NEGR1: variants seen among roughly 807,000 people sequenced by gnomAD.
The protein encoded by NEGR1 is neuronal growth regulator 1.
Under a neutral mutation model 40.9 loss-of-function variants are expected in NEGR1, and 10 were observed. That is an observed-to-expected ratio of 0.24 (90% CI 0.15 to 0.42). NEGR1 has a LOEUF of 0.42. NEGR1 is among the 10% of genes least tolerant of loss of function. NEGR1 has a pLI of 1.00. For synonymous variants in NEGR1, 185 were observed against 166.8 expected, an observed-to-expected ratio of 1.11 and a Z score of -0.84; for missense variants, 352 against 438.9, an observed-to-expected ratio of 0.80 and a Z score of 1.77.
chr1:72,113,359 AT>A (rs1351545953), intron 1 of NEGR1, among the ~76,000 whole-genome samples: 1 of 151,662 alleles, frequency 6.6e-6, no homozygotes, highest in Non-Finnish European at 1.5e-5. Flanking sequence ...AAGAAAGTGT[AT>A]TTATTGCACA....
At chr1:71,822,125 T>G (rs80313480) in intron 2 of NEGR1, among the ~76,000 whole-genome samples, 5,777 of 151,804 alleles carry the variant, frequency 0.038, 153 homozygotes, top group Non-Finnish European at 0.056. Flanking sequence ...TTTCAGTGAG[T>G]GAGGGCTTTA....
intron 1 of NEGR1, among the ~76,000 whole-genome samples, chr1:72,003,231 G>GGTTA (rs1646573145): frequency 6.6e-6 from 1 of 151,588 alleles, no homozygotes; most frequent in African/African-American, 2.4e-5. Flanking sequence ...TTGGGTCGGA[G>GGTTA]GTTAGGCTTG....
chr1:71,572,233 T>G (rs1293470750), intron 6 of NEGR1, among the ~76,000 whole-genome samples: 1 of 152,158 alleles, frequency 6.6e-6, no homozygotes, highest in African/African-American at 2.4e-5. Flanking sequence ...AAATTACCCA[T>G]TAGTCTTGCA....
At position 71,400,827 on chromosome 1, in the gene NEGR1, G is replaced by A. The variant is rs1646242608; in HGVS notation, c.*6619C>T. On this transcript the variant is annotated 3_prime_UTR_variant, in exon 7 of 7. Transcript: ENST00000357731. ...GGAAGTGGATCACTTGAGGTCAGGA[G>A]TTCTAGACCAGACTGGCCAACATGG... 1 of 152,162 alleles carries A rather than the reference G, an allele frequency of 6.6e-6. No individual in the cohort carries two copies. The highest frequency in any genetic ancestry group is 1.5e-5 in the Non-Finnish European group (1 of 68,050). 9.4% of individuals were successfully genotyped at this position (152,162 alleles called of 1,614,324 possible). A position where few individuals can be genotyped will look rare whatever the true frequency, so the allele number is the denominator to read the frequency against.
At chr1:71,798,502 G>A (rs1006007791) in intron 2 of NEGR1, among the ~76,000 whole-genome samples, 8 of 152,138 alleles carry the variant, frequency 5.3e-5, no homozygotes, top group Non-Finnish European at 1.2e-4. Context: ...TATCTTCACT[G>A]TGCACCAAGA....
At chr1:71,501,375 A>G (rs1359439288) in intron 6 of NEGR1, among the ~76,000 whole-genome samples, 2 of 152,140 alleles carry the variant, frequency 1.3e-5, no homozygotes, top group African/African-American at 2.4e-5. Flanking sequence ...TTTTTAAGAT[A>G]ATTTCTAAAT....
rs1646260438 is a variant in NEGR1, at chr1:71,403,874, A to T, written c.*3572T>A. ...TTTAAAGTAAATACATATTCAAAGAATCTTAAGGCATACCATTTATTCATA... is the reference window on the plus strand; with the variant it reads ...TTTAAAGTAAATACATATTCAAAGATTCTTAAGGCATACCATTTATTCATA... On this transcript the variant is annotated 3_prime_UTR_variant, in exon 7 of 7. Coordinates refer to ENST00000357731, the MANE Select transcript of NEGR1 (RefSeq NM_173808.3). The T allele has an allele frequency of 2.6e-6, 1 of 383,020 alleles. No homozygotes were observed. Among genetic ancestry groups the T allele is most frequent in the African/African-American group, 2.1e-5 (1 of 48,246 alleles). 23.7% of individuals were successfully genotyped at this position (383,020 alleles called of 1,614,324 possible). A position where few individuals can be genotyped will look rare whatever the true frequency, so the allele number is the denominator to read the frequency against.
intron 1 of NEGR1, among the ~76,000 whole-genome samples, chr1:72,257,590 A>G (rs977264880): frequency 2.0e-5 from 3 of 152,162 alleles, no homozygotes; most frequent in African/African-American, 7.2e-5. Context: ...TTTTATAATT[A>G]GTAATTTTCT....
intron 2 of NEGR1, among the ~76,000 whole-genome samples, chr1:71,846,323 T>C (rs1236811969): frequency 6.6e-6 from 1 of 151,922 alleles, no homozygotes; most frequent in Non-Finnish European, 1.5e-5. Flanking sequence ...CAAGAGGTCT[T>C]AACTACTTGT....
At chr1:72,048,457 T>C (rs1647023483) in intron 1 of NEGR1, among the ~76,000 whole-genome samples, 1 of 151,494 alleles carries the variant, frequency 6.6e-6, no homozygotes, top group African/African-American at 2.4e-5. Flanking sequence ...TTGCAAGTGG[T>C]TTATAACCCC....
chr1:71,673,593 A>C (rs543303528), intron 4 of NEGR1, among the ~76,000 whole-genome samples: 1 of 152,232 alleles, frequency 6.6e-6, no homozygotes, highest in South Asian at 2.1e-4. Context: ...ATTTCTCTTA[A>C]GGGAGAATAT....
At chr1:71,483,319 G>T (rs550228709) in intron 6 of NEGR1, among the ~76,000 whole-genome samples, 2 of 151,842 alleles carry the variant, frequency 1.3e-5, no homozygotes, top group East Asian at 3.9e-4. Flanking sequence ...AGTGAAAGGG[G>T]GAACATCTGG....
intron 6 of NEGR1, among the ~76,000 whole-genome samples, chr1:71,415,716 ATTT>A (rs1021892969): frequency 6.6e-6 from 1 of 152,052 alleles, no homozygotes; most frequent in African/African-American, 2.4e-5. Context: ...AATGTTTTGG[ATTT>A]TTTTGTTTAC....
intron 1 of NEGR1, among the ~76,000 whole-genome samples, chr1:72,232,774 T>C (rs1654413329): frequency 6.6e-6 from 1 of 152,110 alleles, no homozygotes; most frequent in Non-Finnish European, 1.5e-5. Context: ...ACAATATAGG[T>C]CATTAGCCAT....
intron 1 of NEGR1, among the ~76,000 whole-genome samples, chr1:72,066,619 G>A (rs1453292841): frequency 1.3e-5 from 2 of 152,082 alleles, no homozygotes; most frequent in South Asian, 2.1e-4. Flanking sequence ...CTTACACGAA[G>A]ACAGAGAAAC....
intron 6 of NEGR1, among the ~76,000 whole-genome samples, chr1:71,479,234 A>G (rs1056791893): frequency 6.6e-6 from 1 of 151,998 alleles, no homozygotes; most frequent in Non-Finnish European, 1.5e-5. Context: ...CAGTCGACGC[A>G]GCACTAATGT....
At chr1:71,944,188 C>G (rs1645997236) in intron 1 of NEGR1, among the ~76,000 whole-genome samples, 1 of 152,174 alleles carries the variant, frequency 6.6e-6, no homozygotes, top group African/African-American at 2.4e-5. Flanking sequence ...GTTCTGTCTG[C>G]AATACTGTCT....
At chr1:71,670,024 C>T (rs1481470591) in intron 4 of NEGR1, among the ~76,000 whole-genome samples, 1 of 152,110 alleles carries the variant, frequency 6.6e-6, no homozygotes, top group African/African-American at 2.4e-5. Flanking sequence ...ATATATACTA[C>T]ATATTTACCC....
At chr1:72,170,785 A>C (rs556187835) in intron 1 of NEGR1, among the ~76,000 whole-genome samples, 1 of 152,272 alleles carries the variant, frequency 6.6e-6, no homozygotes, top group African/African-American at 2.4e-5. Flanking sequence ...GGTTTCCTTA[A>C]GGACTTCTTC....
Sources: gnomAD v4.1 joint callset for allele counts (sites outside exome capture counted in the v4.1 genomes callset) on GRCh38, gnomAD v4.1.1 for gene constraint, MANE v1.5 for transcripts, NCBI Gene and HGNC (gene_info 2026-07-23, HGNC 2026-07-21) for gene names.